The following CHD6 variants were observed in gnomAD, a reference collection of about 807,000 sequenced individuals.
CHD6 encodes the protein ATP-dependent chromatin remodeler CHD6.
A neutral mutation model predicts 276.9 loss-of-function variants in CHD6; 50 were observed. That is an observed-to-expected ratio of 0.18 (90% CI 0.14 to 0.23). The LOEUF is 0.23. CHD6 is among the 10% of genes least tolerant of loss of function. The pLI is 1.00. For synonymous variants in CHD6, 1,173 were observed against 1,229.3 expected (o/e 0.95, Z 0.96); for missense variants, 2,564 against 3,365.8 (o/e 0.76, Z 5.89).
intron 17 of CHD6, among the ~76,000 whole-genome samples, chr20:41,460,275 C>T (rs147162595): frequency 4.2e-4 from 64 of 152,184 alleles, no homozygotes; most frequent in African/African-American, 1.4e-3. Context: ...CCTGACTATG[C>T]GATAGAAAAG....
chr20:41,590,095 CA>C (rs2045640801), intron 1 of CHD6, among the ~76,000 whole-genome samples: 1 of 151,984 alleles, frequency 6.6e-6, no homozygotes, highest in Non-Finnish European at 1.5e-5. Flanking sequence ...ACAAACCTGA[CA>C]AAAACAAGAA....
intron 1 of CHD6, among the ~76,000 whole-genome samples, chr20:41,591,649 C>A (rs754143929): frequency 3.9e-5 from 6 of 151,988 alleles, no homozygotes; most frequent in Non-Finnish European, 5.9e-5. Context: ...GCCAAGATTG[C>A]ACCATTGCAC....
At chr20:41,502,168 T>C (rs998456124) in intron 5 of CHD6, among the ~76,000 whole-genome samples, 2 of 152,190 alleles carry the variant, frequency 1.3e-5, no homozygotes, top group African/African-American at 4.8e-5. Flanking sequence ...TATTTTTGTG[T>C]GCTGTTTAAG....
At chr20:41,537,443 T>C (rs2044856602) in intron 2 of CHD6, among the ~76,000 whole-genome samples, 1 of 152,206 alleles carries the variant, frequency 6.6e-6, no homozygotes, top group Non-Finnish European at 1.5e-5. Flanking sequence ...GTATGGGTTA[T>C]ATACAAATAC....
chr20:41,446,602 A>G lies in CHD6; in HGVS notation c.3774-834T>C, dbSNP rs149028735. 3.6e-3 allele frequency among the ~76,000 whole-genome samples: 554 copies of G among 151,862 alleles called. 4 individuals are homozygous for G. The highest frequency in any genetic ancestry group is 0.012 in the African/African-American group (510 of 41,364). On this transcript the variant is annotated intron_variant, in intron 24 of 36. Coordinates refer to ENST00000373233, the MANE Select transcript of CHD6 (RefSeq NM_032221.5). ...CCTCTGAAGTTTCTTCTTCCGTCAG[A>G]CTCTTACTGTGACACAGGACCGAAT...
intron 1 of CHD6, among the ~76,000 whole-genome samples, chr20:41,591,846 T>A (rs1270573255): frequency 6.6e-6 from 1 of 151,906 alleles, no homozygotes; most frequent in Non-Finnish European, 1.5e-5. Flanking sequence ...ACGCCTGTAA[T>A]CGCAGCCCTC....
chr20:41,562,838 A>C (rs953744663), intron 1 of CHD6, among the ~76,000 whole-genome samples: 16 of 152,296 alleles, frequency 1.1e-4, no homozygotes, highest in African/African-American at 3.8e-4. Flanking sequence ...ACTTATCAAT[A>C]GTGGGTCAAA....
chr20:41,591,217 G>A (rs73613224), intron 1 of CHD6, among the ~76,000 whole-genome samples: 2,475 of 117,306 alleles, frequency 0.021, 37 homozygotes, highest in South Asian at 0.045. Flanking sequence ...GTTGTGGGGT[G>A]GGGGGAGGGG....
intron 24 of CHD6, 110 bp downstream of exon 24, chr20:41,447,772 G>T (rs2048115570): frequency 3.0e-6 from 2 of 668,532 alleles, no homozygotes; most frequent in East Asian, 2.8e-5. Context: ...CTGGGCAGGG[G>T]GTAGGAGGAA....
intron 5 of CHD6, among the ~76,000 whole-genome samples, chr20:41,509,320 TCCTA>T (rs1215949099): frequency 6.6e-6 from 1 of 152,156 alleles, no homozygotes; most frequent in Non-Finnish European, 1.5e-5. Flanking sequence ...ATTGAAACTC[TCCTA>T]CCTGAGAGGC....
Position 41,403,578 on chromosome 20 carries a change from C to G in CHD6, c.*1015G>C, listed in dbSNP as rs1218672148. 1.9e-6 allele frequency: 2 copies of G among 1,063,266 alleles called. No individual in the cohort carries two copies. Among genetic ancestry groups the G allele is most frequent in the Non-Finnish European group, 2.3e-6 (2 of 878,092 alleles). 65.9% of individuals were successfully genotyped at this position (1,063,266 alleles called of 1,614,324 possible). A position where few individuals can be genotyped will look rare whatever the true frequency, so the allele number is the denominator to read the frequency against. ...TAAAGGGTGGCACACATTTGACAGC[C>G]TCAGACACTCTTGATCAAAGGACCT... On this transcript the variant is annotated 3_prime_UTR_variant, in exon 37 of 37. Coordinates refer to ENST00000373233, the MANE Select transcript of CHD6 (RefSeq NM_032221.5).
At position 41,441,562 on chromosome 20, in the gene CHD6, C is replaced by T. The variant is rs577823021; in HGVS notation, c.3878-1433G>A. Among the ~76,000 whole-genome samples, 11 of 152,326 alleles carry T rather than the reference C, an allele frequency of 7.2e-5. 1 individual carries two copies. Among genetic ancestry groups the T allele is most frequent in the African/African-American group, 2.4e-4 (10 of 41,576 alleles). The stretch of plus-strand genomic sequence containing the variant: ...GGCCAACTGTCCAGGAGTATACCAC[C>T]TTCACACTCTGTGCTCAGGCATGGA... On this transcript the variant is annotated intron_variant, in intron 25 of 36. Transcript: ENST00000373233.
chr20:41,504,933 T>G (rs1364193684), intron 5 of CHD6, among the ~76,000 whole-genome samples: 1 of 152,190 alleles, frequency 6.6e-6, no homozygotes. Flanking sequence ...CTACTACAAG[T>G]ATTTCCCATT....
At chr20:41,425,145 G>C (rs1181070400) in intron 29 of CHD6, 33 bp downstream of exon 29, 1 of 1,570,884 alleles carries the variant, frequency 6.4e-7, no homozygotes, top group African/African-American at 1.4e-5. Context: ...CCAGTGGGTG[G>C]CTGAGCATGC....
chr20:41,473,233 C>T lies in CHD6; in HGVS notation c.2664+89G>A. ...CAGCTGACACCATAGCATAGAGCATCACGGATGCTCTGTAGCCAAGCCAGG... is the reference window on the plus strand; with the variant it reads ...CAGCTGACACCATAGCATAGAGCATTACGGATGCTCTGTAGCCAAGCCAGG... On this transcript the variant is annotated intron_variant, in intron 17 of 36. Transcript: ENST00000373233. The surrounding 1 kb of genome is among the most constrained non-coding windows in gnomAD (Gnocchi z 4.1). 1.6e-6 allele frequency: 2 copies of T among 1,274,132 alleles called. No homozygotes were observed. Among genetic ancestry groups the T allele is most frequent in the Non-Finnish European group, 2.2e-6 (2 of 903,668 alleles). The allele number at this position is 1,274,132 out of a possible 1,614,324, so 78.9% of individuals were successfully genotyped here.
chr20:41,464,806 A>C (rs569636257), intron 17 of CHD6, among the ~76,000 whole-genome samples: 1 of 152,326 alleles, frequency 6.6e-6, no homozygotes, highest in Non-Finnish European at 1.5e-5. Context: ...GAGAATGGTC[A>C]ATTCCAACGT....
intron 36 of CHD6, among the ~76,000 whole-genome samples, chr20:41,409,586 C>T (rs909152054): frequency 2.6e-5 from 4 of 152,150 alleles, no homozygotes; most frequent in African/African-American, 9.7e-5. Context: ...AACAAACGCA[C>T]GCTGGGTGAA....
intron 36 of CHD6, among the ~76,000 whole-genome samples, chr20:41,406,842 CA>C (rs775833032): frequency 2.6e-5 from 4 of 152,190 alleles, no homozygotes; most frequent in Non-Finnish European, 5.9e-5. Flanking sequence ...TGTACTTGTG[CA>C]GTTCAGCAGT....
chr20:41,568,795 A>C (rs1011500104), intron 1 of CHD6, among the ~76,000 whole-genome samples: 2 of 152,148 alleles, frequency 1.3e-5, no homozygotes, highest in African/African-American at 4.8e-5. Context: ...TCCTACATCA[A>C]ATTACCTTTG....
Sources: gnomAD v4.1 joint callset for allele counts (sites outside exome capture counted in the v4.1 genomes callset) on GRCh38, gnomAD v4.1.1 for gene constraint, Gnocchi (gnomAD v3.1) non-coding constraint, MANE v1.5 for transcripts, NCBI Gene and HGNC (gene_info 2026-07-23, HGNC 2026-07-21) for gene names.